Variants in ADAMTS17 observed in about 807,000 individuals in gnomAD.
ADAMTS17 encodes A disintegrin and metalloproteinase with thrombospondin motifs 17.
In ADAMTS17, 113 loss-of-function variants were observed where a neutral mutation model predicts 141.5. The observed-to-expected ratio is 0.80, with a 90% CI of 0.69 to 0.93. The LOEUF (loss-of-function observed/expected upper bound fraction) is 0.93, where lower values mean the gene tolerates loss of function less well. ADAMTS17 is among the 40% of genes least tolerant of loss of function. The pLI is 0.00. For missense variants in ADAMTS17, 1,659 were observed against 1,517.9 expected (o/e 1.09, Z -1.54); for synonymous variants, 768 against 630.6 (o/e 1.22, Z -3.27).
At chr15:100,214,238 T>G (rs1355630425) in intron 7 of ADAMTS17, among the ~76,000 whole-genome samples, 1 of 152,164 alleles carries the variant, frequency 6.6e-6, no homozygotes, top group South Asian at 2.1e-4. Flanking sequence ...CATTTCTCAC[T>G]GGAGAGGAAA....
intron 15 of ADAMTS17, among the ~76,000 whole-genome samples, chr15:100,078,238 T>C (rs982653255): frequency 1.7e-4 from 25 of 147,012 alleles, no homozygotes; most frequent in African/African-American, 6.2e-4. Flanking sequence ...TTGCGAAAAA[T>C]GACAAGCTGT....
chr15:100,176,363 C>T (rs1467249732), intron 8 of ADAMTS17, among the ~76,000 whole-genome samples: 2 of 152,126 alleles, frequency 1.3e-5, no homozygotes, highest in South Asian at 2.1e-4. Context: ...TTGGAGTCGC[C>T]TAAGGAGTTA....
intron 15 of ADAMTS17, among the ~76,000 whole-genome samples, chr15:100,063,410 C>T (rs1382618358): frequency 1.3e-5 from 2 of 152,198 alleles, no homozygotes; most frequent in Admixed American, 1.3e-4. Flanking sequence ...CTCACAACTT[C>T]CTTCACTCTT....
intron 20 of ADAMTS17, among the ~76,000 whole-genome samples, chr15:99,983,192 G>A (rs937301891): frequency 6.6e-6 from 1 of 152,176 alleles, no homozygotes; most frequent in Non-Finnish European, 1.5e-5. Flanking sequence ...CCACCTGCCT[G>A]TCTGCTGTGT....
intron 18 of ADAMTS17, among the ~76,000 whole-genome samples, chr15:100,035,956 G>A (rs116995283): frequency 0.011 from 1,637 of 152,270 alleles, 16 homozygotes; most frequent in Non-Finnish European, 0.017. Flanking sequence ...AGGGGGTCCC[G>A]TCCAGGCTCC....
In ADAMTS17 at chr15:100,341,257, C is replaced by T; in HGVS notation, c.232G>A (p.Glu78Lys). 3.0e-6 allele frequency: 4 copies of T among 1,314,366 alleles called. No individual in the cohort carries two copies. The highest frequency in any genetic ancestry group is 3.9e-6 in the Non-Finnish European group (4 of 1,030,922). 81.4% of individuals were successfully genotyped at this position (1,314,366 alleles called of 1,614,324 possible). ...GGCAGGTGCAGCAGCAGGGCGCGCT[C>T]TCCGGGCCGGGCGCGCGGGGCGGCT... ...PPAAPRARPG[E>K]RALLLHLPAF... Residue 78 changes from glutamate to lysine, a missense_variant, in exon 2 of 22, where the codon GAG becomes AAG. Coordinates refer to ENST00000268070, the MANE Select transcript of ADAMTS17 (RefSeq NM_139057.4).
chr15:100,197,331 G>C (rs1337896553), intron 8 of ADAMTS17, among the ~76,000 whole-genome samples: 2 of 152,192 alleles, frequency 1.3e-5, no homozygotes, highest in Non-Finnish European at 2.9e-5. Context: ...AAGGCCCATA[G>C]CAACTCGGGT....
intron 3 of ADAMTS17, among the ~76,000 whole-genome samples, chr15:100,320,713 G>A (rs1047041658): frequency 2.0e-5 from 3 of 152,092 alleles, no homozygotes; most frequent in Non-Finnish European, 4.4e-5. Flanking sequence ...CATGCCTGTA[G>A]TCCCAGCTAC....
intron 3 of ADAMTS17, among the ~76,000 whole-genome samples, chr15:100,296,578 G>GTGTGTGTGTGTGT (rs1555504048): frequency 1.6e-5 from 2 of 127,672 alleles, no homozygotes; most frequent in East Asian, 3.0e-4. Flanking sequence ...GGGGTGAGGG[G>GTGTGTGTGTGTGT]GGGTGTGTGT....
At chr15:100,282,303 G>A (rs896186636) in intron 3 of ADAMTS17, among the ~76,000 whole-genome samples, 1 of 152,104 alleles carries the variant, frequency 6.6e-6, no homozygotes, top group Admixed American at 6.5e-5. Context: ...TGCACCAACC[G>A]GCTTCATAAA....
intron 3 of ADAMTS17, among the ~76,000 whole-genome samples, chr15:100,325,629 G>C (rs941471031): frequency 6.6e-6 from 1 of 152,144 alleles, no homozygotes; most frequent in African/African-American, 2.4e-5. Context: ...TCATGCAAGA[G>C]TTGGCTGTTT....
chr15:100,232,838 G>A (rs992716224), intron 7 of ADAMTS17, among the ~76,000 whole-genome samples: 44 of 152,250 alleles, frequency 2.9e-4, no homozygotes, highest in African/African-American at 8.2e-4. Context: ...GGTTGGAGGC[G>A]GCGCAGATCG....
rs574035136 is a variant in ADAMTS17 at position 100,332,191 on chromosome 15, T to C, written c.451-1137A>G. Reference sequence around the variant, plus strand: ...CTGCCCAAATAAAACTGTCTCAAAGTGGCACTGCATGACCTGCAGGAGAGC... The same window carrying C: ...CTGCCCAAATAAAACTGTCTCAAAGCGGCACTGCATGACCTGCAGGAGAGC... On this transcript the variant is annotated intron_variant, in intron 2 of 21. Transcript: ENST00000268070. Among the ~76,000 whole-genome samples the C allele has an allele frequency of 1.2e-3, 189 of 152,324 alleles. 1 individual carries two copies. The highest frequency in any genetic ancestry group is 4.5e-3 in the African/African-American group (186 of 41,564).
chr15:100,330,804 A>G, intron 3 of ADAMTS17, 85 bp downstream of exon 3: 1 of 1,545,438 alleles, frequency 6.5e-7, no homozygotes, highest in Admixed American at 1.7e-5. Context: ...GTTCTCACTC[A>G]TGTGGCTTCA....
intron 6 of ADAMTS17, 127 bp from the exon 7 acceptor site, chr15:100,254,306 G>A (rs74440514): frequency 0.018 from 15,754 of 855,446 alleles, 190 homozygotes; most frequent in Middle Eastern, 0.048. Flanking sequence ...AGGCCACAGC[G>A]AATGATAACA....
chr15:100,133,371 C>A, intron 10 of ADAMTS17, 56 bp from the exon 11 acceptor site: 1 of 1,518,606 alleles, frequency 6.6e-7, no homozygotes, highest in Non-Finnish European at 8.9e-7. Context: ...TCACAGGTCA[C>A]AGCTGGGGTC....
intron 3 of ADAMTS17, among the ~76,000 whole-genome samples, chr15:100,320,098 A>T (rs1399007399): frequency 6.6e-6 from 1 of 152,216 alleles, no homozygotes; most frequent in African/African-American, 2.4e-5. Flanking sequence ...TTAAATGGAG[A>T]TCAGACGTAG....
chr15:100,049,810 T>C (rs1012694946), intron 17 of ADAMTS17, among the ~76,000 whole-genome samples: 2 of 152,196 alleles, frequency 1.3e-5, no homozygotes, highest in Non-Finnish European at 2.9e-5. Flanking sequence ...CATACTTCTG[T>C]GTCTCAGTTT....
intron 15 of ADAMTS17, among the ~76,000 whole-genome samples, chr15:100,055,126 T>C (rs77749705): frequency 6.6e-6 from 1 of 152,150 alleles, no homozygotes; most frequent in Admixed American, 6.5e-5. Context: ...CTCAGTCCTA[T>C]GCCCACACTC....
Sources: allele counts gnomAD v4.1 joint callset (sites outside exome capture counted in the v4.1 genomes callset), GRCh38; gene constraint gnomAD v4.1.1; transcripts MANE v1.5; gene names NCBI Gene and HGNC (gene_info 2026-07-23, HGNC 2026-07-21).